The following STK24 variants were observed in gnomAD, a reference collection of about 807,000 sequenced individuals.
STK24 encodes the protein serine/threonine kinase 24.
Under a neutral mutation model 55.6 loss-of-function variants are expected in STK24, and 21 were observed. That is an observed-to-expected ratio of 0.38 (90% CI 0.27 to 0.54). The LOEUF is 0.54. Ranked by LOEUF, STK24 falls within the 20% of genes least tolerant of loss-of-function variation. The pLI is 0.79. For synonymous variants in STK24, 200 were observed against 215.2 expected, an observed-to-expected ratio of 0.93 and a Z score of 0.62; for missense variants, 383 against 538.4, an observed-to-expected ratio of 0.71 and a Z score of 2.86.
At chr13:98,538,013 T>G (rs908715811) in intron 1 of STK24, among the ~76,000 whole-genome samples, 2 of 152,070 alleles carry the variant, frequency 1.3e-5, no homozygotes, top group African/African-American at 2.4e-5. Context: ...AGGGCCTACC[T>G]TGTAGATGTC....
intron 1 of STK24, among the ~76,000 whole-genome samples, chr13:98,555,031 A>AAAAAAAAAAAAAAG (rs1555312204): frequency 7.0e-6 from 1 of 143,592 alleles, no homozygotes; most frequent in Non-Finnish European, 1.5e-5. Flanking sequence ...AAAAAAAAAA[A>AAAAAAAAAAAAAAG]AAAGAAAGAA....
At chr13:98,524,529 C>A (rs1896366816) in intron 1 of STK24, among the ~76,000 whole-genome samples, 2 of 152,192 alleles carry the variant, frequency 1.3e-5, no homozygotes, top group African/African-American at 4.8e-5. Context: ...AGGCCCCAGA[C>A]ACTCTCCAGC....
intron 5 of STK24, among the ~76,000 whole-genome samples, chr13:98,472,102 C>T (rs1886089): frequency 0.53 from 81,279 of 151,960 alleles, 22,080 homozygotes; most frequent in Non-Finnish European, 0.58. Context: ...CCAGGAAGAG[C>T]GCCCTTATCA....
intron 4 of STK24, 57 bp from the exon 5 acceptor site, chr13:98,475,035 G>A: frequency 6.5e-7 from 1 of 1,538,982 alleles, no homozygotes; most frequent in South Asian, 1.2e-5. Flanking sequence ...TCCGTGCACT[G>A]CCACAAGCGC....
chr13:98,464,345 G>A (rs1203610006), intron 6 of STK24, among the ~76,000 whole-genome samples: 2 of 151,752 alleles, frequency 1.3e-5, no homozygotes, highest in Non-Finnish European at 2.9e-5. Flanking sequence ...CGTGAACCCA[G>A]GAGGCGGAGC....
chr13:98,519,561 C>T, intron 1 of STK24, 88 bp from the exon 2 acceptor site: 3 of 1,025,104 alleles, frequency 2.9e-6, no homozygotes, highest in Non-Finnish European at 4.5e-6. Context: ...TGTTATAGAC[C>T]ACACTGTCTT....
intron 1 of STK24, among the ~76,000 whole-genome samples, chr13:98,572,725 A>G (rs1472840364): frequency 6.6e-6 from 1 of 152,224 alleles, no homozygotes; most frequent in Non-Finnish European, 1.5e-5. Context: ...AACAAGACAA[A>G]CTTCAGGTTT....
chr13:98,483,588 C>T (rs755792479), intron 2 of STK24, among the ~76,000 whole-genome samples: 5 of 152,116 alleles, frequency 3.3e-5, no homozygotes, highest in East Asian at 1.9e-4. Flanking sequence ...TTGGAGGTTC[C>T]GCAAGTCAGG....
intron 2 of STK24, among the ~76,000 whole-genome samples, chr13:98,500,853 A>C (rs1895429424): frequency 6.6e-6 from 1 of 152,146 alleles, no homozygotes; most frequent in Non-Finnish European, 1.5e-5. Context: ...CCAGAGACCC[A>C]GGAGAACACT....
intron 1 of STK24, among the ~76,000 whole-genome samples, chr13:98,574,713 G>T (rs573871256): frequency 1.3e-5 from 2 of 152,132 alleles, no homozygotes; most frequent in Non-Finnish European, 2.9e-5. Flanking sequence ...AAACACTTAA[G>T]ATCTTTCATA....
intron 1 of STK24, among the ~76,000 whole-genome samples, chr13:98,535,936 G>A (rs1296672632): frequency 1.3e-5 from 2 of 152,188 alleles, no homozygotes; most frequent in African/African-American, 4.8e-5. Flanking sequence ...AAGAACTGAT[G>A]GAAGCAATGA....
At chr13:98,461,981 G>C in intron 7 of STK24, 84 bp from the exon 8 acceptor site, 1 of 1,556,554 alleles carries the variant, frequency 6.4e-7, no homozygotes, top group South Asian at 1.2e-5. Flanking sequence ...AGGCCGCCTG[G>C]GGACCTCTAA....
chr13:98,499,791 C>T (rs1895380393), intron 2 of STK24, among the ~76,000 whole-genome samples: 1 of 152,144 alleles, frequency 6.6e-6, no homozygotes, highest in Non-Finnish European at 1.5e-5. Flanking sequence ...ACTAGCCTGC[C>T]CACAGCTGCA....
intron 1 of STK24, among the ~76,000 whole-genome samples, chr13:98,555,441 T>C (rs1897263009): frequency 6.6e-6 from 1 of 151,948 alleles, no homozygotes; most frequent in East Asian, 2.0e-4. Flanking sequence ...TAGCCAGGCA[T>C]GGTGGCGGGC....
intron 1 of STK24, among the ~76,000 whole-genome samples, chr13:98,546,470 C>T (rs1897031379): frequency 6.6e-6 from 1 of 152,102 alleles, no homozygotes; most frequent in Non-Finnish European, 1.5e-5. Flanking sequence ...GAATCTATGC[C>T]AGAAGGAGAC....
chr13:98,484,606 CCCT>C (rs1343093348), intron 2 of STK24, among the ~76,000 whole-genome samples: 28 of 152,326 alleles, frequency 1.8e-4, no homozygotes, highest in Admixed American at 5.9e-4. Flanking sequence ...CAAAGCTCCG[CCCT>C]CCTCAGTTCG....
At chr13:98,558,136 A>T (rs1320674258) in intron 1 of STK24, among the ~76,000 whole-genome samples, 1 of 152,158 alleles carries the variant, frequency 6.6e-6, no homozygotes, top group Non-Finnish European at 1.5e-5. Flanking sequence ...GCTGTTAGTC[A>T]TCTAATCCCA....
At chr13:98,483,679 G>A (rs1340862049) in intron 2 of STK24, among the ~76,000 whole-genome samples, 1 of 152,144 alleles carries the variant, frequency 6.6e-6, no homozygotes, top group African/African-American at 2.4e-5. Flanking sequence ...TTCATTTCAG[G>A]TTTACTTCTC....
chr13:98,550,093 T>A (rs72645202), intron 1 of STK24, among the ~76,000 whole-genome samples: 3,378 of 152,360 alleles, frequency 0.022, 62 homozygotes, highest in East Asian at 0.094. Flanking sequence ...GCTAGGGTTG[T>A]AACACTGCAG....
Sources: gnomAD v4.1 joint callset for allele counts (sites outside exome capture counted in the v4.1 genomes callset) on GRCh38, gnomAD v4.1.1 for gene constraint, MANE v1.5 for transcripts, NCBI Gene and HGNC (gene_info 2026-07-23, HGNC 2026-07-21) for gene names.